The following HSPA12A variants were observed in gnomAD, a reference collection of about 807,000 sequenced individuals.
HSPA12A encodes the protein heat shock 70 kDa protein 12A.
Under a neutral mutation model 69.2 loss-of-function variants are expected in HSPA12A, and 28 were observed. The ratio of observed to expected loss-of-function variants is 0.40; its 90% CI spans 0.30 to 0.55. HSPA12A has a LOEUF of 0.55. Ranked by LOEUF, HSPA12A falls within the 20% of genes least tolerant of loss-of-function variation. The pLI is 0.38. For missense variants in HSPA12A, 686 were observed against 900.7 expected (o/e 0.76, Z 3.05); for synonymous variants, 345 against 370.5 (o/e 0.93, Z 0.79).
At chr10:116,753,308 G>A (rs1843751755) in intron 2 of HSPA12A, among the ~76,000 whole-genome samples, 1 of 152,192 alleles carries the variant, frequency 6.6e-6, no homozygotes, top group South Asian at 2.1e-4. Context: ...CCTCTTCCTG[G>A]GTAAGGACCA....
intron 2 of HSPA12A, among the ~76,000 whole-genome samples, chr10:116,763,589 G>T (rs1554889491): frequency 6.6e-6 from 1 of 152,174 alleles, no homozygotes; most frequent in Non-Finnish European, 1.5e-5. Context: ...AGCAGGGTGG[G>T]GCCAGGGGAC....
intron 2 of HSPA12A, among the ~76,000 whole-genome samples, chr10:116,767,981 GC>G (rs1326045248): frequency 3.3e-5 from 5 of 152,006 alleles, no homozygotes; most frequent in Admixed American, 2.6e-4. Flanking sequence ...TTATCAAATG[GC>G]CCCCCAAGTC....
intron 2 of HSPA12A, among the ~76,000 whole-genome samples, chr10:116,758,522 A>G (rs1270294132): frequency 2.0e-5 from 3 of 152,170 alleles, no homozygotes; most frequent in African/African-American, 7.2e-5. Flanking sequence ...CTTACTGGAC[A>G]GCTCCATGAT....
At chr10:116,799,726 C>G (rs964081285) in intron 2 of HSPA12A, among the ~76,000 whole-genome samples, 2 of 152,230 alleles carry the variant, frequency 1.3e-5, no homozygotes, top group Non-Finnish European at 2.9e-5. Context: ...GCTGGTCTAT[C>G]TCTCCTCAAG....
At chr10:116,782,123 G>A (rs1330973281) in intron 2 of HSPA12A, among the ~76,000 whole-genome samples, 2 of 152,154 alleles carry the variant, frequency 1.3e-5, no homozygotes, top group African/African-American at 2.4e-5. Flanking sequence ...AGAGACGTTC[G>A]CAGAGATGCT....
At position 116,722,336 on chromosome 10, in the gene HSPA12A, C is replaced by G. The variant is rs550799986; in HGVS notation, c.41-15051G>C. ...TGCTGGGAGGTGGCCACAGGAATGC[C>G]TTGGACTTGGAGAAGTGGGAGCTCG... On this transcript the variant is annotated intron_variant, in intron 1 of 11. Coordinates refer to ENST00000369209, the MANE Select transcript of HSPA12A (RefSeq NM_025015.3). Among the ~76,000 whole-genome samples, 5 of 152,322 alleles carry G rather than the reference C, an allele frequency of 3.3e-5. No homozygotes were observed. In the East Asian group the frequency reaches 9.6e-4, roughly 29 times the overall value.
chr10:116,771,270 A>G (rs1554890452), intron 2 of HSPA12A, among the ~76,000 whole-genome samples: 1 of 152,214 alleles, frequency 6.6e-6, no homozygotes, highest in African/African-American at 2.4e-5. Context: ...GAGATAAAAC[A>G]AGGACACTCG....
intron 2 of HSPA12A, chr10:116,750,414 C>A: frequency 1.5e-6 from 1 of 676,504 alleles, no homozygotes; most frequent in Non-Finnish European, 2.7e-6. Flanking sequence ...GGAGGCTTGT[C>A]TACCCCTCAT....
At chr10:116,706,639 C>T (rs1014244) in intron 2 of HSPA12A, among the ~76,000 whole-genome samples, 53,797 of 152,020 alleles carry the variant, frequency 0.35, 10,525 homozygotes, top group African/African-American at 0.52. Flanking sequence ...TCTAAACGGC[C>T]GCCCCCTAAC....
At chr10:116,839,898 G>C (rs1280143070) in intron 1 of HSPA12A, among the ~76,000 whole-genome samples, 3 of 151,636 alleles carry the variant, frequency 2.0e-5, no homozygotes, top group Non-Finnish European at 4.4e-5. Context: ...TTTGTGCCAA[G>C]AAGGTTAGTG....
intron 1 of HSPA12A, chr10:116,835,291 G>A (rs1845689669): frequency 5.1e-6 from 1 of 197,460 alleles, no homozygotes; most frequent in African/African-American, 2.3e-5. Context: ...ACTACATCAA[G>A]AAAGAAAAAA....
chr10:116,707,216 G>A lies in HSPA12A; in HGVS notation c.110C>T (p.Ser37Phe), dbSNP rs782424106. Reference sequence around the variant, plus strand: ...ACTTCTTACCACAATATGGGAGGGGGACAGAGGCGTTATTCCTGTGTCCCC... The same window carrying A: ...ACTTCTTACCACAATATGGGAGGGGAACAGAGGCGTTATTCCTGTGTCCCC... ...SLGDTGITPL[S>F]PSHIVNDTDS... The change falls in exon 2 of 12, where the codon TCC becomes TTC. Residue 37 changes from serine to phenylalanine, a missense_variant. Ser to Phe is a radical substitution (Grantham distance 155). Transcript: ENST00000369209. 9.3e-6 allele frequency: 15 copies of A among 1,609,770 alleles called. 1 individual carries two copies. Among genetic ancestry groups the A allele is most frequent in the Admixed American group, 5.0e-5 (3 of 59,606 alleles).
intron 2 of HSPA12A, among the ~76,000 whole-genome samples, chr10:116,825,758 T>C (rs1845490677): frequency 6.6e-6 from 1 of 152,160 alleles, no homozygotes; most frequent in South Asian, 2.1e-4. Context: ...TTTGGGGTGA[T>C]GAAAATGTTC....
chr10:116,740,739 C>A (rs570083058), intron 1 of HSPA12A, among the ~76,000 whole-genome samples: 187 of 149,052 alleles, frequency 1.3e-3, no homozygotes, highest in Middle Eastern at 3.4e-3. Context: ...ATTTGATTTA[C>A]AAGACAAAAC....
Position 116,700,701 on chromosome 10 carries a change from G to A in HSPA12A, c.441+242C>T, listed in dbSNP as rs537843365. 5.3e-5 allele frequency among the ~76,000 whole-genome samples: 8 copies of A among 152,212 alleles called. No individual in the cohort carries two copies. In the East Asian group the frequency reaches 1.5e-3, roughly 29 times the overall value. On this transcript the variant is annotated intron_variant, in intron 4 of 11. Coordinates refer to ENST00000369209, the MANE Select transcript of HSPA12A (RefSeq NM_025015.3). ...TGATAGGTCCATTTCCAAGACAAACGAGTTGTTAAATATTCAGAATATCTC... is the reference window on the plus strand; with the variant it reads ...TGATAGGTCCATTTCCAAGACAAACAAGTTGTTAAATATTCAGAATATCTC...
chr10:116,820,758 C>T (rs1479965048), intron 2 of HSPA12A, among the ~76,000 whole-genome samples: 4 of 152,070 alleles, frequency 2.6e-5, no homozygotes, highest in East Asian at 1.9e-4. Flanking sequence ...AATGAGTCCA[C>T]GTTGACATTT....
At chr10:116,763,373 A>G (rs1844012623) in intron 2 of HSPA12A, among the ~76,000 whole-genome samples, 2 of 152,358 alleles carry the variant, frequency 1.3e-5, no homozygotes, top group South Asian at 4.1e-4. Context: ...ATTTTCAAGC[A>G]ATAATAACTG....
chr10:116,766,477 C>T (rs1355094897), intron 2 of HSPA12A, among the ~76,000 whole-genome samples: 13 of 152,186 alleles, frequency 8.5e-5, no homozygotes, highest in African/African-American at 2.9e-4. Flanking sequence ...TCCAACTTAA[C>T]GTCCTGTAAG....
chr10:116,839,604 TAAAA>T lies in HSPA12A; in HGVS notation c.4-4586_4-4583del, dbSNP rs59427633. Among the ~76,000 whole-genome samples the T allele has an allele frequency of 9.5e-3, 561 of 59,094 alleles. 4 individuals are homozygous for T. The highest frequency in any genetic ancestry group is 0.033 in the African/African-American group (539 of 16,486). The allele number at this position is 59,094 out of a possible 152,430, so 38.8% of individuals were successfully genotyped here. On this transcript the variant is annotated intron_variant, in intron 1 of 12. Transcript: ENST00000635765. ...CAAAGGACTTCGTAGATGCCTACCG[TAAAA>T]AAAAAAAAAAAAAAAAAAAAAACCT...
Sources: allele counts gnomAD v4.1 joint callset (sites outside exome capture counted in the v4.1 genomes callset), GRCh38; gene constraint gnomAD v4.1.1; transcripts MANE v1.5; gene names NCBI Gene and HGNC (gene_info 2026-07-23, HGNC 2026-07-21).